The following ARAP2 variants were observed in gnomAD, a reference collection of about 807,000 sequenced individuals.
ARAP2 encodes the protein arf-GAP with Rho-GAP domain, ANK repeat and PH domain-containing protein 2.
Under a neutral mutation model 194.5 loss-of-function variants are expected in ARAP2, and 148 were observed. The ratio of observed to expected loss-of-function variants is 0.76; its 90% CI spans 0.67 to 0.87. The LOEUF (loss-of-function observed/expected upper bound fraction) is 0.87. Ranked by LOEUF, ARAP2 falls within the 40% of genes least tolerant of loss-of-function variation. The probability of loss-of-function intolerance (pLI) is 0.00; values close to 1 mark genes in which losing one functional copy is unlikely to be tolerated. For missense variants in ARAP2, 2,128 were observed against 1,989.7 expected, an observed-to-expected ratio of 1.07 and a Z score of -1.32; for synonymous variants, 695 against 683.5, an observed-to-expected ratio of 1.02 and a Z score of -0.26.
chr4:36,096,949 T>A (rs1386345305), intron 27 of ARAP2, among the ~76,000 whole-genome samples: 1 of 152,138 alleles, frequency 6.6e-6, no homozygotes, highest in Non-Finnish European at 1.5e-5. Context: ...CAAGTTATAA[T>A]CAAGTTGTGA....
chr4:36,148,514 C>T lies in ARAP2; in HGVS notation c.2898-7G>A, dbSNP rs370508431. On this transcript the variant is annotated splice_polypyrimidine_tract_variant and splice_region_variant and intron_variant, in intron 16 of 32. Coordinates refer to ENST00000303965, the MANE Select transcript of ARAP2 (RefSeq NM_015230.4). ...CTCAAAGATAAAGATGGGCCTAAAA[C>T]ATGCACAAATAAAAAGATACTACCA... 8.7e-6 allele frequency: 14 copies of T among 1,602,930 alleles called. No homozygotes were observed. The highest frequency in any genetic ancestry group is 1.7e-4 in the Middle Eastern group (1 of 6,034).
At chr4:36,173,104 T>C (rs528599344) in intron 9 of ARAP2, among the ~76,000 whole-genome samples, 1 of 152,222 alleles carries the variant, frequency 6.6e-6, no homozygotes, top group South Asian at 2.1e-4. Flanking sequence ...TATCATCAAA[T>C]GGATACCCAA....
At chr4:36,163,293 G>A (rs1734513356) in intron 11 of ARAP2, among the ~76,000 whole-genome samples, 1 of 152,106 alleles carries the variant, frequency 6.6e-6, no homozygotes, top group Non-Finnish European at 1.5e-5. Context: ...CACAAAGAGA[G>A]ACTGGTATCT....
intron 9 of ARAP2, among the ~76,000 whole-genome samples, chr4:36,167,709 G>T (rs1277960656): frequency 6.6e-6 from 1 of 151,944 alleles, no homozygotes; most frequent in African/African-American, 2.4e-5. Flanking sequence ...CTCCTCTAAT[G>T]CTACTTTGGT....
chr4:36,080,797 T>C (rs1307212546), intron 30 of ARAP2, among the ~76,000 whole-genome samples: 1 of 152,146 alleles, frequency 6.6e-6, no homozygotes, highest in Non-Finnish European at 1.5e-5. Flanking sequence ...AGTAACCTTT[T>C]ATTGAAAGAC....
At chr4:36,016,082 C>T (rs1049403982) in intron 6 of ARAP2, 12 of 152,106 alleles carry the variant, frequency 7.9e-5, no homozygotes, top group African/African-American at 2.2e-4. Context: ...CATTAGAGTA[C>T]ATGCATAAGC....
Position 36,197,329 on chromosome 4 carries a change from G to A in ARAP2, c.1488-3682C>T, listed in dbSNP as rs76132725. 3.2e-3 allele frequency among the ~76,000 whole-genome samples: 483 copies of A among 152,168 alleles called. 2 individuals carry two copies. Among genetic ancestry groups the A allele is most frequent in the Middle Eastern group, 0.014 (4 of 294 alleles). ...AGTTCCTCACGTACAGCGAAGAAAC[G>A]AATGAATGTATTTTTCACTGAAAGA... On this transcript the variant is annotated intron_variant, in intron 6 of 32. Coordinates refer to ENST00000303965, the MANE Select transcript of ARAP2 (RefSeq NM_015230.4).
chr4:36,102,482 T>C (rs915850270), intron 27 of ARAP2, among the ~76,000 whole-genome samples: 4 of 152,028 alleles, frequency 2.6e-5, no homozygotes, highest in Admixed American at 2.6e-4. Context: ...TTAAAGTTTA[T>C]TCAATATGTA....
In ARAP2 at chr4:36,161,360, CA is replaced by C. The variant is rs1424735035; in HGVS notation, c.2259+104del. 13 of 812,832 alleles carry C rather than the reference CA, an allele frequency of 1.6e-5. No homozygotes were observed. In the East Asian group the frequency reaches 2.8e-4, roughly 18 times the overall value. 50.4% of individuals were successfully genotyped at this position (812,832 alleles called of 1,614,324 possible). ...ATAATGTGGTGAGAACTTTATCAAACAGCCCCGAGAAAAATTCCTGCCACCC... is the reference window on the plus strand; with the variant it reads ...ATAATGTGGTGAGAACTTTATCAAACGCCCCGAGAAAAATTCCTGCCACCC... On this transcript the variant is annotated intron_variant, in intron 12 of 32. Transcript: ENST00000303965.
intron 24 of ARAP2, 62 bp from the exon 25 acceptor site, chr4:36,117,197 A>G: frequency 8.4e-7 from 1 of 1,190,896 alleles, no homozygotes; most frequent in Non-Finnish European, 1.2e-6. Flanking sequence ...CATATTTGAA[A>G]CTGAAGACAG....
intron 2 of ARAP2, among the ~76,000 whole-genome samples, chr4:36,214,685 T>C (rs1220299539): frequency 1.3e-5 from 2 of 152,042 alleles, no homozygotes; most frequent in Non-Finnish European, 2.9e-5. Flanking sequence ...AACAGCCAAA[T>C]TCCACAAATG....
At chr4:36,237,209 CAAT>C (rs1752612608) in intron 1 of ARAP2, among the ~76,000 whole-genome samples, 1 of 152,164 alleles carries the variant, frequency 6.6e-6, no homozygotes, top group Admixed American at 6.5e-5. Context: ...TATAAGGCAA[CAAT>C]ATGAAGCCAA....
chr4:36,163,567 A>G (rs1364634097), intron 11 of ARAP2, among the ~76,000 whole-genome samples: 1 of 152,194 alleles, frequency 6.6e-6, no homozygotes, highest in Non-Finnish European at 1.5e-5. Flanking sequence ...TTTTCATAAT[A>G]TCTTGTCTAT....
rs543778697 is a variant in ARAP2 at position 36,127,841 on chromosome 4, G to A, written c.3640+692C>T. ...AGGACTATAATATGGAAAAATAAAA[G>A]TAGCTTCAGTAAAAAGGTGGAATGA... On this transcript the variant is annotated intron_variant, in intron 21 of 32. Coordinates refer to ENST00000303965, the MANE Select transcript of ARAP2 (RefSeq NM_015230.4). 4.6e-5 allele frequency among the ~76,000 whole-genome samples: 7 copies of A among 151,966 alleles called. No homozygotes were observed. The East Asian group carries it at 1.4e-3, about 30-fold the overall frequency.
At chr4:36,207,939 C>T (rs895059041) in intron 6 of ARAP2, among the ~76,000 whole-genome samples, 3 of 152,274 alleles carry the variant, frequency 2.0e-5, no homozygotes, top group African/African-American at 4.8e-5. Context: ...AAAAATATGC[C>T]TAATGCTAGG....
chr4:36,178,488 G>C (rs946216506), intron 8 of ARAP2, among the ~76,000 whole-genome samples: 2 of 152,184 alleles, frequency 1.3e-5, no homozygotes, highest in African/African-American at 2.4e-5. Context: ...CTGCTCTAGA[G>C]TATGCCTGCT....
intron 26 of ARAP2, among the ~76,000 whole-genome samples, chr4:36,113,254 A>G (rs917821167): frequency 1.3e-5 from 2 of 151,898 alleles, no homozygotes; most frequent in Admixed American, 6.6e-5. Context: ...TGAGGGAGAC[A>G]CTGTGAACTG....
At chr4:36,190,471 T>C (rs1273637490) in intron 7 of ARAP2, among the ~76,000 whole-genome samples, 1 of 152,206 alleles carries the variant, frequency 6.6e-6, no homozygotes, top group Non-Finnish European at 1.5e-5. Flanking sequence ...TCAATCACAA[T>C]TATAACAATC....
chr4:36,014,295 A>AGAGAAG (rs202070748), intron 8 of ARAP2, among the ~76,000 whole-genome samples: 17 of 143,356 alleles, frequency 1.2e-4, no homozygotes, highest in African/African-American at 4.6e-4. Flanking sequence ...GAAAGAAAGA[A>AGAGAAG]AGAAGAGAAG....
Sources: allele counts gnomAD v4.1 joint callset (sites outside exome capture counted in the v4.1 genomes callset), GRCh38; gene constraint gnomAD v4.1.1; transcripts MANE v1.5; gene names NCBI Gene and HGNC (gene_info 2026-07-23, HGNC 2026-07-21).